ZFAND2A: variants seen among roughly 807,000 people sequenced by gnomAD.
The protein encoded by ZFAND2A is AN1-type zinc finger protein 2A.
A neutral mutation model predicts 11.6 loss-of-function variants in ZFAND2A; 20 were observed. The observed-to-expected ratio is 1.72, with a 90% CI of 1.21 to 2.50. ZFAND2A has a LOEUF of 2.50. Among genes scored for constraint, ZFAND2A ranks in the 30% most tolerant of loss-of-function variants. The probability of loss-of-function intolerance (pLI) is 0.00; values close to 1 mark genes in which losing one functional copy is unlikely to be tolerated. For missense variants in ZFAND2A, 234 were observed against 182.9 expected, an observed-to-expected ratio of 1.28 and a Z score of -1.61; for synonymous variants, 93 against 60.6, an observed-to-expected ratio of 1.54 and a Z score of -2.48.
In ZFAND2A at chr7:1,152,917, C is replaced by T. The variant is rs932141637; in HGVS notation, c.*152G>A. On this transcript the variant is annotated 3_prime_UTR_variant, in exon 5 of 5. Transcript: ENST00000316495. ...TGAGAACAACTAGAATCAACTTCAG[C>T]ATTCAATTTTATTATAGTCCCATCT... The T allele has an allele frequency of 8.9e-6, 10 of 1,121,868 alleles. No homozygotes were observed. The highest frequency in any genetic ancestry group is 2.6e-5 in the East Asian group (1 of 38,644). The allele number at this position is 1,121,868 out of a possible 1,614,324, so 69.5% of individuals were successfully genotyped here.
At chr7:1,158,635 T>C (rs571250539) in intron 1 of ZFAND2A, among the ~76,000 whole-genome samples, 1 of 150,170 alleles carries the variant, frequency 6.7e-6, no homozygotes, top group African/African-American at 2.5e-5. Context: ...AGGTGCTAAA[T>C]CACATCAGTT....
chr7:1,158,107 C>CT (rs1793574706), intron 2 of ZFAND2A, 51 bp downstream of exon 2: 1 of 1,566,498 alleles, frequency 6.4e-7, no homozygotes, highest in Non-Finnish European at 8.8e-7. Context: ...GAACAGCCAG[C>CT]TTTCCCCCAA....
downstream of ZFAND2A, among the ~76,000 whole-genome samples, chr7:1,148,899 C>G (rs187496971): frequency 3.8e-4 from 56 of 145,532 alleles, no homozygotes; most frequent in Admixed American, 3.8e-3. Context: ...GTGGTGTGAT[C>G]ACAGCTCACT....
At chr7:1,157,545 A>G (rs1266686023) in intron 3 of ZFAND2A, 111 bp downstream of exon 3, 5 of 1,147,132 alleles carry the variant, frequency 4.4e-6, no homozygotes, top group Non-Finnish European at 4.9e-6. Context: ...CTGGATTTTA[A>G]AATTTAATTT....
rs762366855 is a variant in ZFAND2A at position 1,155,489 on chromosome 7, T to G, written c.246A>C (p.Arg82Ser). 23 of 1,613,674 alleles carry G rather than the reference T, an allele frequency of 1.4e-5. No individual in the cohort carries two copies. The highest frequency in any genetic ancestry group is 1.9e-5 in the Non-Finnish European group (22 of 1,179,868). The stretch of plus-strand genomic sequence containing the variant: ...TCTTCCCAGGGTGAGAGTCACAGTC[T>G]CTGTCAATGTGATCACCAACCACCA... ...PDVVVGDHID[R>S]DCDSHPGKKK... The change falls in exon 4 of 5, where the codon AGA becomes AGC. Residue 82 changes from arginine to serine, a missense_variant. By Grantham distance (110) the Arg-to-Ser change is moderately radical (BLOSUM62 -1). Coordinates refer to ENST00000316495, the MANE Select transcript of ZFAND2A (RefSeq NM_182491.4).
chr7:1,152,551 C>T (rs1253529114), downstream of ZFAND2A, among the ~76,000 whole-genome samples: 3 of 152,228 alleles, frequency 2.0e-5, no homozygotes, highest in Admixed American at 2.0e-4. Flanking sequence ...ACAAGACATG[C>T]TGGAGCCCTA....
At chr7:1,154,183 ATTT>A (rs141971953) in intron 4 of ZFAND2A, among the ~76,000 whole-genome samples, 2,332 of 128,794 alleles carry the variant, frequency 0.018, 80 homozygotes, top group East Asian at 0.17. Context: ...CCCACCGGTC[ATTT>A]TTTTTTTTTT....
downstream of ZFAND2A, among the ~76,000 whole-genome samples, chr7:1,151,315 T>C (rs990320646): frequency 6.6e-6 from 1 of 152,150 alleles, no homozygotes; most frequent in African/African-American, 2.4e-5. Flanking sequence ...CCTCAAACAA[T>C]GCGAGTAGCA....
chr7:1,159,762 G>A, intron 1 of ZFAND2A, among the ~76,000 whole-genome samples: 1 of 116,922 alleles, frequency 8.6e-6, no homozygotes, highest in Non-Finnish European at 1.8e-5. Flanking sequence ...GTCCCCAGCA[G>A]ACAGGCCGGA....
chr7:1,156,521 G>T (rs868280983), intron 3 of ZFAND2A, among the ~76,000 whole-genome samples: 1,394 of 63,246 alleles, frequency 0.022, 49 homozygotes, highest in African/African-American at 0.069. Context: ...TGAGCTGGGG[G>T]CTCCGAAGGG....
intron 4 of ZFAND2A, among the ~76,000 whole-genome samples, chr7:1,154,932 A>G (rs942975210): frequency 6.6e-6 from 1 of 152,138 alleles, no homozygotes; most frequent in African/African-American, 2.4e-5. Context: ...AGCCCGGCCA[A>G]CATAGTGAAA....
downstream of ZFAND2A, among the ~76,000 whole-genome samples, chr7:1,150,527 G>A (rs565275823): frequency 5.3e-5 from 8 of 152,296 alleles, no homozygotes; most frequent in Non-Finnish European, 1.0e-4. Context: ...TCTAACACCA[G>A]TATTTACGTT....
chr7:1,152,961 A>G lies in ZFAND2A; in HGVS notation c.*108T>C, dbSNP rs776188597. On this transcript the variant is annotated 3_prime_UTR_variant, in exon 5 of 5. Coordinates refer to ENST00000316495, the MANE Select transcript of ZFAND2A (RefSeq NM_182491.4). The stretch of plus-strand genomic sequence containing the variant: ...CCCATCTCCCTCAACAAACAAGATC[A>G]GCAGCCAGTGTGGGATGGTGCTCAA... 1 of 1,432,608 alleles carries G rather than the reference A, an allele frequency of 7.0e-7. No individual in the cohort carries two copies. The highest frequency in any genetic ancestry group is 9.7e-7 in the Non-Finnish European group (1 of 1,033,728). The allele number at this position is 1,432,608 out of a possible 1,614,324, so 88.7% of individuals were successfully genotyped here.
At chr7:1,150,735 T>C (rs184944234), downstream of ZFAND2A, among the ~76,000 whole-genome samples, 1 of 152,254 alleles carries the variant, frequency 6.6e-6, no homozygotes, top group African/African-American at 2.4e-5. Context: ...GTTCCTGCCA[T>C]TGTAGTTTTA....
downstream of ZFAND2A, chr7:1,152,059 G>A (rs116806855): frequency 1.2e-3 from 727 of 605,580 alleles, 6 homozygotes; most frequent in African/African-American, 0.012. Flanking sequence ...TGCTGCTGCC[G>A]AAAGGTTGTG....
At chr7:1,149,155 AATT>A (rs2128256393), downstream of ZFAND2A, among the ~76,000 whole-genome samples, 1 of 152,254 alleles carries the variant, frequency 6.6e-6, no homozygotes, top group Non-Finnish European at 1.5e-5. Flanking sequence ...AGACTTTAAA[AATT>A]AAAAACATTT....
At chr7:1,153,936 G>A (rs984104523) in intron 4 of ZFAND2A, among the ~76,000 whole-genome samples, 4 of 151,664 alleles carry the variant, frequency 2.6e-5, no homozygotes, top group African/African-American at 4.8e-5. Flanking sequence ...GCAAGAGTTC[G>A]TCCCTTTAAA....
At chr7:1,159,094 CCTCT>C (rs762135100) in intron 1 of ZFAND2A, among the ~76,000 whole-genome samples, 126 of 152,294 alleles carry the variant, frequency 8.3e-4, no homozygotes, top group Non-Finnish European at 7.8e-4. Flanking sequence ...TCCCCAGTTC[CCTCT>C]ATGTTACACG....
intron 3 of ZFAND2A, among the ~76,000 whole-genome samples, chr7:1,155,974 G>A (rs1053204994): frequency 3.3e-5 from 5 of 152,212 alleles, no homozygotes; most frequent in Admixed American, 6.5e-5. Flanking sequence ...ATCCCTTTGC[G>A]GTTTCCCCAG....
Sources: gnomAD v4.1 joint callset for allele counts (sites outside exome capture counted in the v4.1 genomes callset) on GRCh38, gnomAD v4.1.1 for gene constraint, MANE v1.5 for transcripts, NCBI Gene and HGNC (gene_info 2026-07-23, HGNC 2026-07-21) for gene names.